PEX14: variants seen among roughly 807,000 people sequenced by gnomAD.
PEX14 encodes the protein peroxisomal biogenesis factor 14.
A neutral mutation model predicts 49.5 loss-of-function variants in PEX14; 15 were observed. The ratio of observed to expected loss-of-function variants is 0.30; its 90% CI spans 0.20 to 0.47. PEX14 has a LOEUF of 0.47. PEX14 is among the 20% of genes least tolerant of loss of function. The pLI is 1.00. For missense variants in PEX14, 398 were observed against 494.8 expected, an observed-to-expected ratio of 0.80 and a Z score of 1.86; for synonymous variants, 210 against 212.7, an observed-to-expected ratio of 0.99 and a Z score of 0.11.
intron 3 of PEX14, among the ~76,000 whole-genome samples, chr1:10,550,977 T>G (rs116726257): frequency 0.011 from 1,710 of 152,334 alleles, 33 homozygotes; most frequent in African/African-American, 0.039. Flanking sequence ...CCCATTCTTG[T>G]GTGTGAGAAG....
intron 2 of PEX14, among the ~76,000 whole-genome samples, chr1:10,533,957 T>C (rs1321137652): frequency 6.6e-6 from 1 of 152,240 alleles, no homozygotes; most frequent in Non-Finnish European, 1.5e-5. Flanking sequence ...GAAATGCATA[T>C]ACCAAGGACT....
chr1:10,483,023 G>A (rs1227704451), intron 1 of PEX14, among the ~76,000 whole-genome samples: 2 of 152,174 alleles, frequency 1.3e-5, no homozygotes, highest in South Asian at 2.1e-4. Flanking sequence ...GTGTCTATCT[G>A]TGTATCATAT....
chr1:10,605,253 C>T (rs554778345), intron 4 of PEX14, among the ~76,000 whole-genome samples: 18 of 152,188 alleles, frequency 1.2e-4, no homozygotes, highest in East Asian at 1.9e-4. Context: ...GTCGGTGATA[C>T]GGTCTGTGAG....
In PEX14 at chr1:10,586,628, CTTTTTTT is replaced by C. The variant is rs35743829; in HGVS notation, c.170-12587_170-12581del. Among the ~76,000 whole-genome samples the C allele has an allele frequency of 5.4e-5, 5 of 93,012 alleles. No individual in the cohort carries two copies. In the East Asian group the frequency reaches 1.3e-3, roughly 23 times the overall value. 61.0% of individuals were successfully genotyped at this position (93,012 alleles called of 152,430 possible). ...ATGTTGAACAAAAGGAGCCGTTTAC[CTTTTTTT>C]TTTTTTTTTTTTTTTTTTTTTTGAG... On this transcript the variant is annotated intron_variant, in intron 3 of 8. Coordinates refer to ENST00000356607, the MANE Select transcript of PEX14 (RefSeq NM_004565.3).
intron 2 of PEX14, among the ~76,000 whole-genome samples, chr1:10,511,440 A>C (rs1274948140): frequency 6.6e-6 from 1 of 152,032 alleles, no homozygotes; most frequent in African/African-American, 2.4e-5. Flanking sequence ...CTTTAATGCT[A>C]TCTGATTGAG....
At position 10,539,350 on chromosome 1, in the gene PEX14, A is replaced by G. The variant is rs1638934592; in HGVS notation, c.169+3053A>G. On this transcript the variant is annotated intron_variant, in intron 3 of 8. Coordinates refer to ENST00000356607, the MANE Select transcript of PEX14 (RefSeq NM_004565.3). This position sits in a 1 kb window ranked among gnomAD's most constrained non-coding sequence, Gnocchi z 4.6. ...AGCCATTAATGAGAAACGTGAAGTTATTAGAATCATTTATCATTTTCTTTG... is the reference window on the plus strand; with the variant it reads ...AGCCATTAATGAGAAACGTGAAGTTGTTAGAATCATTTATCATTTTCTTTG... Among the ~76,000 whole-genome samples, 1 of 152,192 alleles carries G rather than the reference A, an allele frequency of 6.6e-6. No homozygotes were observed. The highest frequency in any genetic ancestry group is 2.4e-5 in the African/African-American group (1 of 41,432).
In PEX14 at chr1:10,623,741, G is replaced by T. The variant is rs571455166; in HGVS notation, c.488-599G>T. On this transcript the variant is annotated intron_variant, in intron 6 of 8. Transcript: ENST00000356607. This position sits in a 1 kb window ranked among gnomAD's most constrained non-coding sequence, Gnocchi z 4.4. Reference sequence around the variant, plus strand: ...AGGAGTCTGTGTCCCTCTGGAGCACGTTTGTGAAGCTCACAGAAACCCTCT... The same window carrying T: ...AGGAGTCTGTGTCCCTCTGGAGCACTTTTGTGAAGCTCACAGAAACCCTCT... 6.6e-6 allele frequency among the ~76,000 whole-genome samples: 1 copy of T among 152,230 alleles called. No homozygotes were observed. Among genetic ancestry groups the T allele is most frequent in the African/African-American group, 2.4e-5 (1 of 41,458 alleles).
intron 3 of PEX14, among the ~76,000 whole-genome samples, chr1:10,591,141 G>A (rs1640651524): frequency 6.6e-6 from 1 of 152,164 alleles, no homozygotes; most frequent in Non-Finnish European, 1.5e-5. Flanking sequence ...TTGTTTTGTT[G>A]CAATGATGGA....
At chr1:10,574,388 G>A (rs1640063563) in intron 3 of PEX14, among the ~76,000 whole-genome samples, 1 of 152,170 alleles carries the variant, frequency 6.6e-6, no homozygotes, top group Non-Finnish European at 1.5e-5. Context: ...ATGGAGTACT[G>A]GGAGATGTTC....
At chr1:10,481,054 C>T (rs1557802935) in intron 1 of PEX14, among the ~76,000 whole-genome samples, 1 of 150,702 alleles carries the variant, frequency 6.6e-6, no homozygotes, top group South Asian at 2.1e-4. Context: ...CTCAAATTTT[C>T]ACACTTAAAA....
chr1:10,616,608 G>A (rs1196391397), intron 4 of PEX14, among the ~76,000 whole-genome samples: 1 of 152,138 alleles, frequency 6.6e-6, no homozygotes, highest in African/African-American at 2.4e-5. Context: ...CAGATCCTTC[G>A]GGGGGAGGCA....
At chr1:10,554,962 T>C (rs994222614) in intron 3 of PEX14, among the ~76,000 whole-genome samples, 5 of 152,174 alleles carry the variant, frequency 3.3e-5, no homozygotes, top group African/African-American at 1.2e-4. Flanking sequence ...AAAGCCTATC[T>C]GAAAGCAAGT....
chr1:10,485,600 T>C (rs1160613029), intron 1 of PEX14, among the ~76,000 whole-genome samples: 1 of 151,592 alleles, frequency 6.6e-6, no homozygotes, highest in East Asian at 1.9e-4. Flanking sequence ...AGTACAGGCA[T>C]GAACCACAGG....
At chr1:10,583,422 A>G (rs1456201033) in intron 3 of PEX14, among the ~76,000 whole-genome samples, 15 of 141,222 alleles carry the variant, frequency 1.1e-4, no homozygotes, top group Non-Finnish European at 1.1e-4. Context: ...AGGTTGCACT[A>G]TGTTGTCCAG....
intron 4 of PEX14, among the ~76,000 whole-genome samples, chr1:10,611,778 C>T (rs765506468): frequency 4.3e-4 from 65 of 152,286 alleles, no homozygotes; most frequent in Admixed American, 1.6e-3. Flanking sequence ...ATTGGCCATT[C>T]GTATATCTTT....
At chr1:10,624,268 G>A in intron 6 of PEX14, 72 bp from the exon 7 acceptor site, 2 of 942,916 alleles carry the variant, frequency 2.1e-6, no homozygotes, top group East Asian at 2.4e-5. Context: ...CAGCTCCGAG[G>A]TGTGCGGACC....
chr1:10,499,637 CA>C (rs767281548), intron 2 of PEX14, among the ~76,000 whole-genome samples: 39 of 151,896 alleles, frequency 2.6e-4, no homozygotes, highest in Non-Finnish European at 2.5e-4. Flanking sequence ...TTAGTGGAGA[CA>C]GGGTTTCACC....
chr1:10,521,999 A>G lies in PEX14; in HGVS notation c.85-14214A>G, dbSNP rs368522321. 7.9e-5 allele frequency among the ~76,000 whole-genome samples: 12 copies of G among 152,304 alleles called. No homozygotes were observed. In the East Asian group the frequency reaches 1.5e-3, roughly 20 times the overall value. ...GCCCCAGTGATCGTAGTGTTGTAGG[A>G]AGCGCTGCCATATTTGATTGAATTT... On this transcript the variant is annotated intron_variant, in intron 2 of 8. Coordinates refer to ENST00000356607, the MANE Select transcript of PEX14 (RefSeq NM_004565.3).
Position 10,514,545 on chromosome 1 carries a change from G to C in PEX14, c.84+19224G>C, listed in dbSNP as rs1410286999. On this transcript the variant is annotated intron_variant, in intron 2 of 8. Transcript: ENST00000356607. This position sits in a 1 kb window ranked among gnomAD's most constrained non-coding sequence, Gnocchi z 4.4. The stretch of plus-strand genomic sequence containing the variant: ...GTTCACACAGGAACTTTGGGCCTAA[G>C]ACGCAACTCAAGGGAAAGCCATTGG... Among the ~76,000 whole-genome samples, 1 of 152,160 alleles carries C rather than the reference G, an allele frequency of 6.6e-6. No homozygotes were observed. Among genetic ancestry groups the C allele is most frequent in the Non-Finnish European group, 1.5e-5 (1 of 68,032 alleles).
Sources: gnomAD v4.1 joint callset for allele counts (sites outside exome capture counted in the v4.1 genomes callset) on GRCh38, gnomAD v4.1.1 for gene constraint, Gnocchi (gnomAD v3.1) non-coding constraint, MANE v1.5 for transcripts, NCBI Gene and HGNC (gene_info 2026-07-23, HGNC 2026-07-21) for gene names.